IL4I1: variants seen among roughly 807,000 people sequenced by gnomAD.
The protein encoded by IL4I1 is L-amino-acid oxidase.
IL4I1 carries 24 observed loss-of-function variants against 29.7 expected under a neutral mutation model. The observed-to-expected ratio is 0.81, with a 90% CI of 0.59 to 1.14. IL4I1 has a LOEUF of 1.14. IL4I1 is among the 50% of genes most tolerant of loss of function. The probability of loss-of-function intolerance (pLI) is 0.00; values close to 1 mark genes in which losing one functional copy is unlikely to be tolerated. For missense variants in IL4I1, 686 were observed against 785.6 expected, an observed-to-expected ratio of 0.87 and a Z score of 1.52; for synonymous variants, 371 against 352.5, an observed-to-expected ratio of 1.05 and a Z score of -0.59.
chr19:49,915,425 G>A (rs1350068042), intron 2 of IL4I1, among the ~76,000 whole-genome samples: 1 of 152,218 alleles, frequency 6.6e-6, no homozygotes, highest in African/African-American at 2.4e-5. Context: ...AACACAGGCG[G>A]CTTCGGCCTC....
At chr19:49,904,270 G>A (rs2075296289) in exon 3 of IL4I1, 1 of 152,212 alleles carries the variant, frequency 6.6e-6, no homozygotes, top group South Asian at 2.1e-4. Flanking sequence ...AGGAACTTAA[G>A]GAAAGGCCAT....
At chr19:49,901,622 C>T (rs55853951), upstream of IL4I1, 170,362 of 1,482,232 alleles carry the variant, frequency 0.11, 10,452 homozygotes, top group Middle Eastern at 0.12. Context: ...CCCAGGGCCC[C>T]GGGTGGGGGC....
chr19:49,898,198 G>A (rs943871112), upstream of IL4I1, among the ~76,000 whole-genome samples: 1 of 152,156 alleles, frequency 6.6e-6, no homozygotes, highest in Non-Finnish European at 1.5e-5. Flanking sequence ...GCATACGCCT[G>A]TAGTCCCAAC....
At chr19:49,891,812 C>T (rs2075143675) in intron 5 of IL4I1, among the ~76,000 whole-genome samples, 1 of 152,198 alleles carries the variant, frequency 6.6e-6, no homozygotes, top group South Asian at 2.1e-4. Flanking sequence ...GGGATGTGGG[C>T]AGCTGGAGAG....
chr19:49,927,028 T>C (rs542078813), intron 2 of IL4I1, among the ~76,000 whole-genome samples: 59 of 152,062 alleles, frequency 3.9e-4, no homozygotes, highest in African/African-American at 1.3e-3. Flanking sequence ...CCCGACTATT[T>C]TTTTGTATTT....
chr19:49,924,593 G>A (rs992578114), intron 2 of IL4I1, among the ~76,000 whole-genome samples: 5 of 152,214 alleles, frequency 3.3e-5, no homozygotes, highest in African/African-American at 1.2e-4. Context: ...AGGAGTTGAA[G>A]GGGAGCTCGA....
Position 49,889,730 on chromosome 19 carries a change from G to A in IL4I1, c.1644C>T (p.His548=), listed in dbSNP as rs970645835. The change falls in exon 8 of 8, where the codon CAC becomes CAT. Residue 548 remains histidine (H), a synonymous_variant. Coordinates refer to ENST00000391826, the MANE Select transcript of IL4I1 (RefSeq NM_152899.2). ...SHDLAKEEGS[H]PPVQGQLSLQ... ...GAGATAACTGGCCTTGGACTGGAGG[G>A]TGGCTGCCTTCTTCCTTTGCCAGGT... The A allele has an allele frequency of 6.6e-7, 1 of 1,515,894 alleles. No homozygotes were observed. Among genetic ancestry groups the A allele is most frequent in the East Asian group, 2.3e-5 (1 of 43,870 alleles). 93.9% of individuals were successfully genotyped at this position (1,515,894 alleles called of 1,614,324 possible). A position where few individuals can be genotyped will look rare whatever the true frequency, so the allele number is the denominator to read the frequency against.
At chr19:49,898,149 C>T (rs759633277), upstream of IL4I1, among the ~76,000 whole-genome samples, 4 of 149,304 alleles carry the variant, frequency 2.7e-5, no homozygotes, top group African/African-American at 7.4e-5. Flanking sequence ...GGCAAAACCT[C>T]GTCTCTACTA....
chr19:49,899,709 A>G (rs531859476), upstream of IL4I1, among the ~76,000 whole-genome samples: 2 of 152,012 alleles, frequency 1.3e-5, no homozygotes, highest in Non-Finnish European at 2.9e-5. Context: ...GGCACCTGCC[A>G]CCACGTCCGG....
chr19:49,890,609 G>A lies in IL4I1; in HGVS notation c.774-9C>T. 6.7e-7 allele frequency: 1 copy of A among 1,501,416 alleles called. No individual in the cohort carries two copies. The highest frequency in any genetic ancestry group is 8.9e-7 in the Non-Finnish European group (1 of 1,126,950). 93.0% of individuals were successfully genotyped at this position (1,501,416 alleles called of 1,614,324 possible). ...CCACGATGCGGCTGTACCTGCAGGC[G>A]GGGCGGGGCGGGGTGGGGGCGTGAC... is the stretch of plus-strand genomic sequence containing the variant. On this transcript the variant is annotated splice_polypyrimidine_tract_variant and intron_variant, in intron 7 of 7. Transcript: ENST00000391826.
At chr19:49,910,129 C>T (rs2075426070) in intron 2 of IL4I1, among the ~76,000 whole-genome samples, 1 of 152,132 alleles carries the variant, frequency 6.6e-6, no homozygotes, top group Non-Finnish European at 1.5e-5. Flanking sequence ...AAAGCTCCCA[C>T]TCTGTGGAGG....
chr19:49,922,929 A>C (rs2075798844), intron 2 of IL4I1, among the ~76,000 whole-genome samples: 1 of 152,052 alleles, frequency 6.6e-6, no homozygotes. Flanking sequence ...CACTGCCCCA[A>C]GGTAGTTCTA....
chr19:49,909,846 A>C (rs1600503981), intron 2 of IL4I1: 1 of 1,603,092 alleles, frequency 6.2e-7, no homozygotes, highest in Non-Finnish European at 8.5e-7. Flanking sequence ...TCTGGCTCCC[A>C]AAGCAAATCC....
intron 2 of IL4I1, among the ~76,000 whole-genome samples, chr19:49,916,798 G>A (rs952749111): frequency 1.3e-5 from 2 of 152,152 alleles, no homozygotes; most frequent in Non-Finnish European, 2.9e-5. Context: ...CTGGCATGGT[G>A]GCGTGTGCCT....
chr19:49,911,178 A>G (rs919577843), intron 2 of IL4I1: 2 of 152,270 alleles, frequency 1.3e-5, no homozygotes, highest in Non-Finnish European at 2.9e-5. Flanking sequence ...CCAGGACTAC[A>G]GGCGTGAGCC....
intron 2 of IL4I1, chr19:49,911,061 T>C (rs1600507947): frequency 6.6e-6 from 1 of 152,222 alleles, no homozygotes; most frequent in East Asian, 1.9e-4. Flanking sequence ...CATGCCACCA[T>C]GCGTGGATAA....
chr19:49,901,876 A>G (rs962203576), upstream of IL4I1: 6 of 480,264 alleles, frequency 1.2e-5, no homozygotes, highest in African/African-American at 1.0e-4. Context: ...AAACTTTCAA[A>G]CATCTAAAAC....
chr19:49,924,979 G>A (rs113334914), intron 2 of IL4I1, among the ~76,000 whole-genome samples: 4,024 of 152,264 alleles, frequency 0.026, 179 homozygotes, highest in African/African-American at 0.092. Flanking sequence ...TACCCACACC[G>A]GGCCAGGCGC....
rs1298023406 is a variant in IL4I1, at chr19:49,921,201, A to G, written c.-228+6493T>C. Reference sequence around the variant, plus strand: ...ACGAAGCGAAACTATCATGGCTCCCATTTATAAATGAGCAAACTGAGAAAG... The same window carrying G: ...ACGAAGCGAAACTATCATGGCTCCCGTTTATAAATGAGCAAACTGAGAAAG... On this transcript the variant is annotated intron_variant, in intron 2 of 9. Transcript: ENST00000341114. The surrounding 1 kb of genome is among the most constrained non-coding windows in gnomAD (Gnocchi z 5.4). 2.0e-5 allele frequency among the ~76,000 whole-genome samples: 3 copies of G among 152,100 alleles called. No individual in the cohort carries two copies. Among genetic ancestry groups the G allele is most frequent in the Admixed American group, 1.3e-4 (2 of 15,274 alleles).
Sources: allele counts gnomAD v4.1 joint callset (sites outside exome capture counted in the v4.1 genomes callset), GRCh38; gene constraint gnomAD v4.1.1; non-coding constraint Gnocchi (gnomAD v3.1); transcripts MANE v1.5; gene names NCBI Gene and HGNC (gene_info 2026-07-23, HGNC 2026-07-21).